Variants in PARP12 observed in about 807,000 individuals in gnomAD.
PARP12 encodes protein mono-ADP-ribosyltransferase PARP12.
PARP12 carries 59 observed loss-of-function variants against 72.4 expected under a neutral mutation model. The observed-to-expected ratio is 0.81, with a 90% CI of 0.66 to 1.01. The LOEUF (loss-of-function observed/expected upper bound fraction) is 1.01, where lower values mean the gene tolerates loss of function less well. PARP12 is among the 50% of genes least tolerant of loss of function. The pLI is 0.00. For missense variants in PARP12, 851 were observed against 914.0 expected, an observed-to-expected ratio of 0.93 and a Z score of 0.89; for synonymous variants, 403 against 371.4, an observed-to-expected ratio of 1.09 and a Z score of -0.98.
intron 3 of PARP12, among the ~76,000 whole-genome samples, chr7:140,056,257 A>G (rs1318711071): frequency 6.6e-6 from 1 of 152,258 alleles, no homozygotes; most frequent in Non-Finnish European, 1.5e-5. Context: ...AAAAATAAGT[A>G]TCCTAGCACA....
chr7:140,025,512 T>C, intron 11 of PARP12: 1 of 445,890 alleles, frequency 2.2e-6, no homozygotes, highest in Non-Finnish European at 4.5e-6. Context: ...AAGCATATTG[T>C]GGTTACAGAA....
At chr7:140,031,601 C>A (rs1815940431) in intron 8 of PARP12, among the ~76,000 whole-genome samples, 1 of 152,186 alleles carries the variant, frequency 6.6e-6, no homozygotes, top group Non-Finnish European at 1.5e-5. Context: ...GAGAGAAGAA[C>A]TGAACACTTC....
In PARP12 at chr7:140,024,741, C is replaced by T; in HGVS notation, c.1925G>A (p.Gly642Asp). The T allele has an allele frequency of 6.2e-7, 1 of 1,614,192 alleles. No homozygotes were observed. Among genetic ancestry groups the T allele is most frequent in the Non-Finnish European group, 8.5e-7 (1 of 1,180,044 alleles). Reference sequence around the variant, plus strand: ...GCTATCATAGAAGGCGTTGCTCCAGCCCTCCTTGGCCGGCGGACGGACAAA... The same window carrying T: ...GCTATCATAGAAGGCGTTGCTCCAGTCCTCCTTGGCCGGCGGACGGACAAA... ...ASFVRPPAKEGWSNAFYDSCV... is the reference protein window; with the variant it reads ...ASFVRPPAKEDWSNAFYDSCV... Residue 642 changes from glycine (G) to aspartate (D), a missense_variant, in exon 12 of 12, where the codon GGC (glycine) becomes GAC (aspartate). Gly to Asp is a moderately conservative substitution (Grantham distance 94). Around this residue, in one of 3 missense-constraint regions of PARP12, gnomAD observed 347 missense variants for 396.1 expected, o/e 0.88. Coordinates refer to ENST00000263549, the MANE Select transcript of PARP12 (RefSeq NM_022750.4).
intron 5 of PARP12, among the ~76,000 whole-genome samples, chr7:140,045,748 A>G (rs1816690442): frequency 6.6e-6 from 1 of 152,244 alleles, no homozygotes; most frequent in African/African-American, 2.4e-5. Context: ...AATATACAAA[A>G]AGTGGGTCAC....
chr7:140,033,093 C>G (rs1391859754), intron 8 of PARP12: 7 of 722,232 alleles, frequency 9.7e-6, no homozygotes, highest in Non-Finnish European at 1.2e-5. Flanking sequence ...GCTGGGACTA[C>G]AGGCGCACAG....
intron 4 of PARP12, among the ~76,000 whole-genome samples, chr7:140,048,584 T>C (rs1816830171): frequency 6.6e-6 from 1 of 151,916 alleles, no homozygotes; most frequent in Non-Finnish European, 1.5e-5. Flanking sequence ...TCTATTTGGG[T>C]AAAAAATAGA....
At chr7:140,061,389 C>G (rs1179363477) in intron 1 of PARP12, among the ~76,000 whole-genome samples, 1 of 152,178 alleles carries the variant, frequency 6.6e-6, no homozygotes, top group East Asian at 1.9e-4. Context: ...ATCAAGGCCC[C>G]CACCCCATGC....
At chr7:140,026,113 G>A in intron 11 of PARP12, 84 bp downstream of exon 11, 1 of 1,599,760 alleles carries the variant, frequency 6.3e-7, no homozygotes, top group Non-Finnish European at 8.5e-7. Context: ...GCTCAGGCTG[G>A]TCCCCTCATG....
At chr7:140,060,824 C>G (rs539852421) in intron 1 of PARP12, among the ~76,000 whole-genome samples, 1 of 152,184 alleles carries the variant, frequency 6.6e-6, no homozygotes, top group African/African-American at 2.4e-5. Context: ...GCCTCAGACG[C>G]TACCTCAGAT....
chr7:140,024,941 AG>A (rs1202692391), intron 11 of PARP12, 56 bp from the exon 12 acceptor site: 12 of 1,533,478 alleles, frequency 7.8e-6, no homozygotes, highest in Non-Finnish European at 1.1e-5. Context: ...AGGAAGGGTC[AG>A]CACACTGCGA....
Position 140,057,005 on chromosome 7 carries a change from G to C in PARP12, c.611C>G (p.Ser204Cys). Reference protein sequence around the residue: ...SCKRSHDFSNSENLEKLEKLG... With the variant: ...SCKRSHDFSNCENLEKLEKLG... ...CTTCTCCAATTTTTCCAGATTCTCA[G>C]AATTAGAGAAATCATGGGATCTCTT... Residue 204 changes from serine (S) to cysteine (C), a missense_variant, in exon 3 of 12, where the codon TCT (serine) becomes TGT (cysteine). Transcript: ENST00000263549. The C allele has an allele frequency of 6.2e-7, 1 of 1,614,176 alleles. No individual in the cohort carries two copies. Among genetic ancestry groups the C allele is most frequent in the South Asian group, 1.1e-5 (1 of 91,088 alleles).
intron 1 of PARP12, among the ~76,000 whole-genome samples, chr7:140,060,618 A>C (rs960283784): frequency 3.4e-4 from 51 of 152,222 alleles, no homozygotes; most frequent in African/African-American, 1.1e-3. Flanking sequence ...AACTAGCTTA[A>C]GAACAGGGCT....
intron 10 of PARP12, 95 bp from the exon 11 acceptor site, chr7:140,026,443 A>G: frequency 6.6e-7 from 1 of 1,515,306 alleles, no homozygotes; most frequent in East Asian, 2.3e-5. Context: ...CCAAAATTCC[A>G]AAAGTGTCCT....
intron 4 of PARP12, among the ~76,000 whole-genome samples, chr7:140,050,242 A>G (rs909217674): frequency 3.9e-5 from 6 of 152,210 alleles, no homozygotes; most frequent in Non-Finnish European, 7.3e-5. Flanking sequence ...TGAAGCCAGG[A>G]GCAAGAACGA....
At chr7:140,033,163 G>C (rs1816015012) in intron 8 of PARP12, 2 of 983,030 alleles carry the variant, frequency 2.0e-6, no homozygotes, top group South Asian at 9.4e-5. Flanking sequence ...GAACTGTTGG[G>C]ATTACAGGTG....
chr7:140,030,767 T>C (rs1174099957), intron 8 of PARP12, among the ~76,000 whole-genome samples: 1 of 152,250 alleles, frequency 6.6e-6, no homozygotes, highest in Non-Finnish European at 1.5e-5. Flanking sequence ...ATCTGTAAAC[T>C]TTCTTAAAAC....
rs375188667 is a variant in PARP12, at chr7:140,046,873, A to C, written c.986+11T>G. 2.5e-6 allele frequency: 4 copies of C among 1,612,244 alleles called. No homozygotes were observed. Among genetic ancestry groups the C allele is most frequent in the Non-Finnish European group, 3.4e-6 (4 of 1,179,222 alleles). On this transcript the variant is annotated intron_variant, in intron 5 of 11. Transcript: ENST00000263549. ...CAGGCACAAAGCAGAGACAAGGGACATATTTCCTACCTTTCTATTTTGGGA... is the reference window on the plus strand; with the variant it reads ...CAGGCACAAAGCAGAGACAAGGGACCTATTTCCTACCTTTCTATTTTGGGA...
At chr7:140,030,928 A>G (rs1815918570) in intron 8 of PARP12, among the ~76,000 whole-genome samples, 1 of 152,244 alleles carries the variant, frequency 6.6e-6, no homozygotes, top group Non-Finnish European at 1.5e-5. Context: ...CTGAAAGGAC[A>G]AAGTGGTAAA....
chr7:140,034,707 T>C lies in PARP12; in HGVS notation c.1325-376A>G, dbSNP rs1816081619. On this transcript the variant is annotated intron_variant, in intron 7 of 11. Transcript: ENST00000263549. ...ACTACCATGTCTTGAGTTAGTGGGATTCAGAGTTAATGTAAGTTTTATGAC... is the reference window on the plus strand; with the variant it reads ...ACTACCATGTCTTGAGTTAGTGGGACTCAGAGTTAATGTAAGTTTTATGAC... The C allele has an allele frequency of 2.8e-5, 5 of 175,822 alleles. No homozygotes were observed. The South Asian group carries it at 5.6e-4, about 20-fold the overall frequency. The allele number at this position is 175,822 out of a possible 1,614,324, so 10.9% of individuals were successfully genotyped here. A position where few individuals can be genotyped will look rare whatever the true frequency, so the allele number is the denominator to read the frequency against.
Sources: allele counts gnomAD v4.1 joint callset (sites outside exome capture counted in the v4.1 genomes callset), GRCh38; gene constraint gnomAD v4.1.1; regional missense constraint gnomAD v4.1.1; transcripts MANE v1.5; gene names NCBI Gene and HGNC (gene_info 2026-07-23, HGNC 2026-07-21).